Variants in ACACA observed in about 807,000 individuals in gnomAD.
The protein encoded by ACACA is acetyl-CoA carboxylase 1.
In ACACA, 103 loss-of-function variants were observed where a neutral mutation model predicts 296.1. The observed-to-expected ratio is 0.35, with a 90% CI of 0.30 to 0.41. The LOEUF (loss-of-function observed/expected upper bound fraction) is 0.41, where lower values mean the gene tolerates loss of function less well. ACACA is among the 10% of genes least tolerant of loss of function. The probability of loss-of-function intolerance (pLI) is 1.00; values close to 1 mark genes in which losing one functional copy is unlikely to be tolerated. For synonymous variants in ACACA, 953 were observed against 1,038.6 expected (o/e 0.92, Z 1.58); for missense variants, 1,554 against 2,989.7 (o/e 0.52, Z 11.20).
chr17:37,168,625 T>C lies in ACACA; in HGVS notation c.5080-6575A>G, dbSNP rs374314706. Among the ~76,000 whole-genome samples, 47 of 152,288 alleles carry C rather than the reference T, an allele frequency of 3.1e-4. No individual in the cohort carries two copies. In the East Asian group the frequency reaches 8.5e-3, roughly 27 times the overall value. On this transcript the variant is annotated intron_variant, in intron 41 of 55. Transcript: ENST00000616317. ...GATTTTAGTCATACTACAACCGATC[T>C]TATTTATATAAAATTTGAAAGAGAT...
chr17:37,373,288 C>A (rs1285726805), intron 1 of ACACA, among the ~76,000 whole-genome samples: 1 of 151,936 alleles, frequency 6.6e-6, no homozygotes, highest in African/African-American at 2.4e-5. Context: ...TGCTCTGTCG[C>A]TTAGGATGGA....
chr17:37,289,655 A>T, intron 3 of ACACA: 1 of 514,260 alleles, frequency 1.9e-6, no homozygotes, highest in Non-Finnish European at 3.7e-6. Flanking sequence ...GCAGTAATAT[A>T]ATCTACTCTA....
chr17:37,229,571 G>C (rs1169740957), intron 25 of ACACA, among the ~76,000 whole-genome samples: 2 of 151,914 alleles, frequency 1.3e-5, no homozygotes, highest in African/African-American at 4.8e-5. Flanking sequence ...CCAAAGTGCT[G>C]GGATTACAGG....
chr17:37,158,966 C>T (rs1426521837), intron 42 of ACACA, among the ~76,000 whole-genome samples: 1 of 151,862 alleles, frequency 6.6e-6, no homozygotes, highest in Non-Finnish European at 1.5e-5. Flanking sequence ...TCACTTGAGG[C>T]CAGGAGTTTG....
At chr17:37,381,027 A>G (rs946689276) in intron 1 of ACACA, among the ~76,000 whole-genome samples, 2 of 151,982 alleles carry the variant, frequency 1.3e-5, no homozygotes, top group African/African-American at 4.8e-5. Context: ...CCCTGATGGA[A>G]CCACTATTAT....
chr17:37,365,628 C>T, intron 1 of ACACA: 14 of 985,436 alleles, frequency 1.4e-5, no homozygotes, highest in Non-Finnish European at 1.7e-5. Flanking sequence ...AAGTCCTTAT[C>T]TGAATACTAT....
intron 20 of ACACA, 104 bp downstream of exon 20, chr17:37,244,976 C>T: frequency 6.5e-7 from 1 of 1,549,900 alleles, no homozygotes; most frequent in Non-Finnish European, 8.9e-7. Flanking sequence ...GGGGACAAAG[C>T]TAAAGAAAAC....
At chr17:37,321,908 C>T (rs1454385274) in intron 3 of ACACA, among the ~76,000 whole-genome samples, 3 of 150,210 alleles carry the variant, frequency 2.0e-5, no homozygotes, top group Admixed American at 6.6e-5. Flanking sequence ...CGTGCCACTG[C>T]ACCCAGCCTG....
chr17:37,208,530 CA>C (rs370934362), intron 30 of ACACA, among the ~76,000 whole-genome samples: 2,656 of 151,950 alleles, frequency 0.017, 28 homozygotes, highest in Non-Finnish European at 0.028. Context: ...TATACCAAAA[CA>C]AAAAAATCTC....
At chr17:37,161,295 C>T (rs989610160) in intron 42 of ACACA, among the ~76,000 whole-genome samples, 10 of 152,038 alleles carry the variant, frequency 6.6e-5, no homozygotes, top group Non-Finnish European at 1.3e-4. Context: ...ACAATATTCC[C>T]CTTCCAGGCT....
At chr17:37,232,420 T>C (rs1282720465) in intron 25 of ACACA, among the ~76,000 whole-genome samples, 1 of 151,834 alleles carries the variant, frequency 6.6e-6, no homozygotes, top group Non-Finnish European at 1.5e-5. Flanking sequence ...GATACTAAGA[T>C]CCGAGGAAAG....
chr17:37,338,769 A>G lies in ACACA; in HGVS notation c.85+1035T>C, dbSNP rs993144825. On this transcript the variant is annotated intron_variant, in intron 2 of 55. Transcript: ENST00000616317. ...GCCTGGCCAACATGGTGAAACCCCA[A>G]CTTTACTAAAAATACAAAAAATTAG... 4.0e-5 allele frequency among the ~76,000 whole-genome samples: 6 copies of G among 151,848 alleles called. No homozygotes were observed. In the East Asian group the frequency reaches 1.2e-3, roughly 29 times the overall value.
chr17:37,247,966 A>C, intron 18 of ACACA, 45 bp downstream of exon 18: 1 of 1,612,546 alleles, frequency 6.2e-7, no homozygotes, highest in Non-Finnish European at 8.5e-7. Flanking sequence ...ATAAGAGAAA[A>C]GGCTAACAGG....
chr17:37,096,180 C>T (rs1284668192), intron 54 of ACACA, among the ~76,000 whole-genome samples: 1 of 152,206 alleles, frequency 6.6e-6, no homozygotes, highest in Non-Finnish European at 1.5e-5. Context: ...ACACAGCCCC[C>T]TTAGTGGTCT....
chr17:37,120,141 C>A (rs1408794717), intron 50 of ACACA, among the ~76,000 whole-genome samples: 1 of 152,080 alleles, frequency 6.6e-6, no homozygotes, highest in African/African-American at 2.4e-5. Flanking sequence ...GATCCACCCA[C>A]CTCGGCCTCC....
chr17:37,156,863 T>TA (rs2076273647), intron 42 of ACACA, among the ~76,000 whole-genome samples: 1 of 152,320 alleles, frequency 6.6e-6, no homozygotes, highest in African/African-American at 2.4e-5. Context: ...GGAAAAGACA[T>TA]AAATCTGCGA....
chr17:37,279,974 T>C (rs1386015292), intron 5 of ACACA, among the ~76,000 whole-genome samples: 1 of 152,188 alleles, frequency 6.6e-6, no homozygotes, highest in Non-Finnish European at 1.5e-5. Context: ...TTATGTATAA[T>C]TTGAAAAATA....
At chr17:37,379,445 C>G (rs1328386736) in intron 1 of ACACA, 2 of 1,531,442 alleles carry the variant, frequency 1.3e-6, no homozygotes, top group African/African-American at 2.8e-5. Context: ...TGAAGGCAGC[C>G]AGAACTCCGT....
chr17:37,242,897 T>A (rs1369467729), intron 22 of ACACA, among the ~76,000 whole-genome samples: 1 of 152,018 alleles, frequency 6.6e-6, no homozygotes, highest in Non-Finnish European at 1.5e-5. Flanking sequence ...TTAGCTGGCA[T>A]GGCAGCGTGT....
Sources: gnomAD v4.1 joint callset for allele counts (sites outside exome capture counted in the v4.1 genomes callset) on GRCh38, gnomAD v4.1.1 for gene constraint, MANE v1.5 for transcripts, NCBI Gene and HGNC (gene_info 2026-07-23, HGNC 2026-07-21) for gene names.